HCRTR2: variants seen among roughly 807,000 people sequenced by gnomAD.
The protein encoded by HCRTR2 is orexin receptor type 2.
Under a neutral mutation model 49.0 loss-of-function variants are expected in HCRTR2, and 22 were observed. The ratio of observed to expected loss-of-function variants is 0.45; its 90% CI spans 0.32 to 0.64. The LOEUF (loss-of-function observed/expected upper bound fraction) is 0.64, where lower values mean the gene tolerates loss of function less well. Ranked by LOEUF, HCRTR2 falls within the 30% of genes least tolerant of loss-of-function variation. The probability of loss-of-function intolerance (pLI) is 0.04; values close to 1 mark genes in which losing one functional copy is unlikely to be tolerated. For synonymous variants in HCRTR2, 236 were observed against 205.3 expected, an observed-to-expected ratio of 1.15 and a Z score of -1.28; for missense variants, 491 against 559.4, an observed-to-expected ratio of 0.88 and a Z score of 1.23.
intron 1 of HCRTR2, among the ~76,000 whole-genome samples, chr6:55,242,637 T>C (rs763268536): frequency 1.6e-4 from 24 of 152,216 alleles, no homozygotes; most frequent in Non-Finnish European, 3.1e-4. Context: ...CAATTATTAG[T>C]TGGCATTTCA....
chr6:55,202,742 G>A (rs1159061842), intron 1 of HCRTR2, among the ~76,000 whole-genome samples: 1 of 121,120 alleles, frequency 8.3e-6, no homozygotes, highest in East Asian at 2.6e-4. Flanking sequence ...ATCATATTAG[G>A]GATTAGGTTT....
intron 1 of HCRTR2, among the ~76,000 whole-genome samples, chr6:55,152,828 G>A (rs1764681061): frequency 6.6e-6 from 1 of 151,968 alleles, no homozygotes; most frequent in Non-Finnish European, 1.5e-5. Context: ...ATTTGCATAT[G>A]GTTACCAAGT....
intron 1 of HCRTR2, among the ~76,000 whole-genome samples, chr6:55,139,060 G>A (rs1561983943): frequency 6.6e-6 from 1 of 152,170 alleles, no homozygotes. Flanking sequence ...TGTCTGGAAG[G>A]AGAAAGTTTC....
In HCRTR2 at chr6:55,213,895, C is replaced by G. The variant is rs148406507; in HGVS notation, c.224-34744C>G. Reference sequence around the variant, plus strand: ...CACTTCATAGAATGAGTAGAAGAACCCTTAACTCTCAAGGTTTTTTTCCTG... The same window carrying G: ...CACTTCATAGAATGAGTAGAAGAACGCTTAACTCTCAAGGTTTTTTTCCTG... On this transcript the variant is annotated intron_variant, in intron 1 of 6. Coordinates refer to ENST00000370862, the MANE Select transcript of HCRTR2 (RefSeq NM_001384272.1). 3.5e-3 allele frequency among the ~76,000 whole-genome samples: 524 copies of G among 151,844 alleles called. 8 individuals carry two copies. Among genetic ancestry groups the G allele is most frequent in the African/African-American group, 0.011 (457 of 41,342 alleles).
At chr6:55,208,856 A>T (rs536638804) in intron 1 of HCRTR2, among the ~76,000 whole-genome samples, 22 of 152,356 alleles carry the variant, frequency 1.4e-4, no homozygotes, top group African/African-American at 4.8e-4. Context: ...TAAAAGAACC[A>T]TGCATTAAAA....
At chr6:55,279,757 T>A (rs1161762971) in intron 5 of HCRTR2, among the ~76,000 whole-genome samples, 2 of 152,076 alleles carry the variant, frequency 1.3e-5, no homozygotes, top group Non-Finnish European at 2.9e-5. Flanking sequence ...AAATAATACA[T>A]GAAAAATTAA....
chr6:55,273,136 G>A (rs1175356179), intron 4 of HCRTR2, among the ~76,000 whole-genome samples: 2 of 151,874 alleles, frequency 1.3e-5, no homozygotes, highest in Middle Eastern at 3.2e-3. Context: ...AGAAATCATG[G>A]GATTTAATGT....
chr6:55,282,481 C>G lies in HCRTR2; in HGVS notation c.*27C>G, dbSNP rs746371762. ...ATATTTATTCATATGACAAGGATAC[C>G]TGAGTAAAACTATCCTTTTTAAAAT... On this transcript the variant is annotated 3_prime_UTR_variant, in exon 7 of 7. Coordinates refer to ENST00000370862, the MANE Select transcript of HCRTR2 (RefSeq NM_001384272.1). The G allele has an allele frequency of 1.7e-6, 2 of 1,173,042 alleles. No individual in the cohort carries two copies. Among genetic ancestry groups the G allele is most frequent in the Admixed American group, 1.7e-5 (1 of 57,842 alleles). The allele number at this position is 1,173,042 out of a possible 1,614,324, so 72.7% of individuals were successfully genotyped here.
At chr6:55,151,689 C>CAAATGTT (rs1764666935) in intron 1 of HCRTR2, among the ~76,000 whole-genome samples, 1 of 151,846 alleles carries the variant, frequency 6.6e-6, no homozygotes, top group African/African-American at 2.4e-5. Flanking sequence ...CTTAATGGCA[C>CAAATGTT]CTAGAATGGT....
chr6:55,228,714 C>A (rs921355814), intron 1 of HCRTR2, among the ~76,000 whole-genome samples: 1 of 152,100 alleles, frequency 6.6e-6, no homozygotes, highest in African/African-American at 2.4e-5. Context: ...ATTTCTTAGG[C>A]AATTAGTAAG....
At chr6:55,130,789 C>T (rs113773741) in intron 1 of HCRTR2, among the ~76,000 whole-genome samples, 107 of 151,862 alleles carry the variant, frequency 7.0e-4, no homozygotes, top group African/African-American at 2.5e-3. Context: ...TATTAATATC[C>T]CACCCCAACA....
At chr6:55,207,420 T>A (rs759898840) in intron 1 of HCRTR2, among the ~76,000 whole-genome samples, 12 of 152,174 alleles carry the variant, frequency 7.9e-5, no homozygotes, top group Non-Finnish European at 1.8e-4. Flanking sequence ...TAATTATCTG[T>A]CTTTTCAATG....
At chr6:55,115,952 A>G (rs1236806539) in intron 1 of HCRTR2, among the ~76,000 whole-genome samples, 3 of 151,752 alleles carry the variant, frequency 2.0e-5, no homozygotes, top group African/African-American at 7.2e-5. Flanking sequence ...CTATGCATGC[A>G]TATGTTTCCA....
intron 2 of HCRTR2, among the ~76,000 whole-genome samples, chr6:55,249,878 C>T (rs1186517954): frequency 6.6e-6 from 1 of 151,974 alleles, no homozygotes; most frequent in Non-Finnish European, 1.5e-5. Context: ...TTTCCTGCAC[C>T]CTCAGTTTTT....
chr6:55,122,644 G>A (rs1764217217), intron 1 of HCRTR2, among the ~76,000 whole-genome samples: 1 of 151,868 alleles, frequency 6.6e-6, no homozygotes, highest in Non-Finnish European at 1.5e-5. Context: ...TATAAATCAT[G>A]CTGCTATAAG....
At chr6:55,131,922 T>C (rs760371814) in intron 1 of HCRTR2, among the ~76,000 whole-genome samples, 10 of 151,762 alleles carry the variant, frequency 6.6e-5, no homozygotes, top group Non-Finnish European at 1.3e-4. Flanking sequence ...TGAAACCATG[T>C]GGCAAGCTTT....
intron 1 of HCRTR2, among the ~76,000 whole-genome samples, chr6:55,232,346 T>C (rs928615881): frequency 1.8e-4 from 27 of 152,210 alleles, no homozygotes; most frequent in African/African-American, 6.3e-4. Context: ...GATGTAAATT[T>C]TGAAACAGCT....
intron 1 of HCRTR2, among the ~76,000 whole-genome samples, chr6:55,236,150 C>T (rs1179586240): frequency 6.6e-6 from 1 of 151,982 alleles, no homozygotes; most frequent in African/African-American, 2.4e-5. Context: ...GTATATCCCC[C>T]TATCCATTTA....
intron 1 of HCRTR2, among the ~76,000 whole-genome samples, chr6:55,224,843 G>A (rs770767845): frequency 1.3e-5 from 2 of 152,066 alleles, no homozygotes; most frequent in African/African-American, 2.4e-5. Context: ...GGTGATTATC[G>A]GGTGCTGGGA....
Sources: allele counts gnomAD v4.1 joint callset (sites outside exome capture counted in the v4.1 genomes callset), GRCh38; gene constraint gnomAD v4.1.1; transcripts MANE v1.5; gene names NCBI Gene and HGNC (gene_info 2026-07-23, HGNC 2026-07-21).